RUFY1: variants seen among roughly 807,000 people sequenced by gnomAD.
The protein encoded by RUFY1 is RUN and FYVE domain containing 1, also known as RUN and FYVE domain-containing protein 1.
RUFY1 carries 54 observed loss-of-function variants against 94.6 expected under a neutral mutation model. That is an observed-to-expected ratio of 0.57 (90% CI 0.46 to 0.72). The LOEUF (loss-of-function observed/expected upper bound fraction) is 0.72. Among genes scored for constraint, RUFY1 ranks in the 30% least tolerant of loss-of-function variants. The pLI is 0.00. For synonymous variants in RUFY1, 396 were observed against 347.3 expected (o/e 1.14, Z -1.56); for missense variants, 883 against 883.9 (o/e 1.00, Z 0.01).
intron 9 of RUFY1, chr5:179,590,841 T>G (rs1765019470): frequency 6.8e-6 from 1 of 148,130 alleles, no homozygotes; most frequent in African/African-American, 2.5e-5. Flanking sequence ...CAATGTAACT[T>G]TTTTTTTTTT....
chr5:179,597,424 A>G (rs1032479823), intron 13 of RUFY1, among the ~76,000 whole-genome samples: 1 of 152,050 alleles, frequency 6.6e-6, no homozygotes, highest in Non-Finnish European at 1.5e-5. Flanking sequence ...TTTAGTAGAG[A>G]CGGGGTTTCA....
chr5:179,607,689 T>C, intron 17 of RUFY1, 30 bp downstream of exon 17: 1 of 1,588,360 alleles, frequency 6.3e-7, no homozygotes, highest in Non-Finnish European at 8.6e-7. Flanking sequence ...ACCCTCCCAG[T>C]GCCCTGAGTC....
At chr5:179,562,250 A>G (rs1463361727) in intron 2 of RUFY1, among the ~76,000 whole-genome samples, 2 of 151,894 alleles carry the variant, frequency 1.3e-5, no homozygotes, top group African/African-American at 4.8e-5. Context: ...CGTCTCTACT[A>G]AAAATACAAA....
intron 1 of RUFY1, among the ~76,000 whole-genome samples, chr5:179,551,219 G>T (rs1193090433): frequency 6.6e-6 from 1 of 152,254 alleles, no homozygotes; most frequent in African/African-American, 2.4e-5. Flanking sequence ...CAGCCGTTCA[G>T]TGCGGGAGTG....
rs948579595 is a variant in RUFY1 at position 179,598,629 on chromosome 5, G to T, written c.1632-63G>T. The T allele has an allele frequency of 1.8e-5, 28 of 1,595,092 alleles. No homozygotes were observed. The African/African-American group carries it at 3.4e-4, about 19-fold the overall frequency. ...TCCCTGTTTCCTGGGCGGTGAATTG[G>T]GTTGTGAATCTTCCGTGAAAGTCTC... On this transcript the variant is annotated intron_variant, in intron 13 of 17. Coordinates refer to ENST00000319449, the MANE Select transcript of RUFY1 (RefSeq NM_025158.5).
At chr5:179,559,634 G>C in intron 1 of RUFY1, 1 of 992,180 alleles carries the variant, frequency 1.0e-6, no homozygotes, top group Non-Finnish European at 1.2e-6. Flanking sequence ...CGCTTTCCCA[G>C]CACGCCCTCT....
chr5:179,559,850 C>T, intron 1 of RUFY1, 175 bp from the exon 2 acceptor site: 5 of 1,398,024 alleles, frequency 3.6e-6, no homozygotes, highest in Non-Finnish European at 3.7e-6. Context: ...GGGGCTGTGG[C>T]CTCTAGGGAT....
intron 5 of RUFY1, among the ~76,000 whole-genome samples, chr5:179,570,023 C>T (rs916610323): frequency 3.4e-5 from 5 of 149,088 alleles, no homozygotes; most frequent in East Asian, 2.0e-4. Context: ...GGATTACAGG[C>T]GTGAGCCACT....
chr5:179,583,325 C>T (rs1212220847), intron 7 of RUFY1, among the ~76,000 whole-genome samples: 5 of 151,340 alleles, frequency 3.3e-5, no homozygotes, highest in Non-Finnish European at 7.4e-5. Context: ...AAGCTGAAAG[C>T]ATTTATGAGG....
intron 17 of RUFY1, among the ~76,000 whole-genome samples, chr5:179,608,894 G>A (rs1767392607): frequency 1.4e-5 from 2 of 145,750 alleles, no homozygotes; most frequent in Non-Finnish European, 3.0e-5. Context: ...TTGCGCCACT[G>A]CACCCCAGCC....
At chr5:179,598,431 G>A (rs1190207387) in intron 13 of RUFY1, 2 of 466,696 alleles carry the variant, frequency 4.3e-6, no homozygotes, top group Admixed American at 7.5e-5. Context: ...TTCTGCTTAT[G>A]TGGTCTAAGT....
chr5:179,578,267 G>C (rs1164727422), intron 6 of RUFY1, among the ~76,000 whole-genome samples: 1 of 152,164 alleles, frequency 6.6e-6, no homozygotes, highest in African/African-American at 2.4e-5. Context: ...AGGCTGGAGT[G>C]CAGTGGTGCA....
At chr5:179,596,426 T>A in intron 12 of RUFY1, 136 bp from the exon 13 acceptor site, 1 of 1,114,664 alleles carries the variant, frequency 9.0e-7, no homozygotes. Flanking sequence ...GTGGTGGAGC[T>A]GAATCTCCAC....
chr5:179,566,187 T>C (rs1199231236), intron 3 of RUFY1, among the ~76,000 whole-genome samples: 1 of 152,204 alleles, frequency 6.6e-6, no homozygotes, highest in Non-Finnish European at 1.5e-5. Flanking sequence ...AAGCAGCACT[T>C]GAGAGGCCTT....
At chr5:179,601,224 A>G (rs1025232839) in intron 14 of RUFY1, among the ~76,000 whole-genome samples, 3 of 151,854 alleles carry the variant, frequency 2.0e-5, no homozygotes, top group Non-Finnish European at 2.9e-5. Context: ...GCTGGAGTAC[A>G]GTAGCACCAT....
chr5:179,591,658 A>G lies in RUFY1; in HGVS notation c.1162A>G (p.Thr388Ala), dbSNP rs1257490382. 9.3e-6 allele frequency: 15 copies of G among 1,613,242 alleles called. No individual in the cohort carries two copies. In the East Asian group the frequency reaches 2.7e-4, roughly 29 times the overall value. Residue 388 changes from threonine (T) to alanine (A), a missense_variant, in exon 10 of 18, where the codon ACT becomes GCT. Physicochemically the swap from Thr to Ala is moderately conservative, Grantham distance 58. Coordinates refer to ENST00000319449, the MANE Select transcript of RUFY1 (RefSeq NM_025158.5). Reference protein sequence around the residue: ...TKQDTKVELETYKQTRQGLDE... With the variant: ...TKQDTKVELEAYKQTRQGLDE... ...ACAGGATACCAAAGTTGAGCTGGAG[A>G]CTTACAAGCAAACTCGGCAAGGTCT...
intron 5 of RUFY1, among the ~76,000 whole-genome samples, chr5:179,572,970 C>A (rs1763332811): frequency 6.6e-6 from 1 of 152,154 alleles, no homozygotes; most frequent in South Asian, 2.1e-4. Context: ...ATCTAAATTT[C>A]TTTTACAAAT....
At chr5:179,600,330 T>C (rs796458325) in intron 14 of RUFY1, among the ~76,000 whole-genome samples, 3 of 152,274 alleles carry the variant, frequency 2.0e-5, no homozygotes, top group African/African-American at 7.2e-5. Context: ...ATCCTGGCCT[T>C]AACAGACTGG....
intron 5 of RUFY1, among the ~76,000 whole-genome samples, chr5:179,569,741 C>T (rs949594254): frequency 1.3e-5 from 2 of 149,926 alleles, no homozygotes; most frequent in Admixed American, 1.3e-4. Flanking sequence ...AAGGGTGTAG[C>T]TTTTTTGTTG....
Sources: allele counts gnomAD v4.1 joint callset (sites outside exome capture counted in the v4.1 genomes callset), GRCh38; gene constraint gnomAD v4.1.1; transcripts MANE v1.5; gene names NCBI Gene and HGNC (gene_info 2026-07-23, HGNC 2026-07-21).